RASAL2: variants seen among roughly 807,000 people sequenced by gnomAD.
The protein encoded by RASAL2 is RAS protein activator like 2, also known as ras GTPase-activating protein nGAP.
Under a neutral mutation model 128.9 loss-of-function variants are expected in RASAL2, and 58 were observed. The ratio of observed to expected loss-of-function variants is 0.45; its 90% CI spans 0.36 to 0.56. The LOEUF (loss-of-function observed/expected upper bound fraction) is 0.56. RASAL2 is among the 20% of genes least tolerant of loss of function. The probability of loss-of-function intolerance (pLI) is 0.00; values close to 1 mark genes in which losing one functional copy is unlikely to be tolerated. For missense variants in RASAL2, 1,360 were observed against 1,601.6 expected, an observed-to-expected ratio of 0.85 and a Z score of 2.57; for synonymous variants, 561 against 580.8, an observed-to-expected ratio of 0.97 and a Z score of 0.49.
intron 1 of RASAL2, among the ~76,000 whole-genome samples, chr1:178,113,562 GTGTA>G (rs1236980457): frequency 9.1e-4 from 116 of 127,004 alleles, no homozygotes; most frequent in African/African-American, 3.1e-3. Flanking sequence ...GTGTGTGTGT[GTGTA>G]GAGGCAGAGT....
At chr1:178,128,857 G>A (rs1305429500) in intron 1 of RASAL2, among the ~76,000 whole-genome samples, 4 of 152,026 alleles carry the variant, frequency 2.6e-5, no homozygotes, top group African/African-American at 9.7e-5. Context: ...ACGTGAATTA[G>A]TACTTCATTC....
At chr1:178,174,329 G>A (rs1229965738) in intron 1 of RASAL2, among the ~76,000 whole-genome samples, 1 of 151,966 alleles carries the variant, frequency 6.6e-6, no homozygotes, top group African/African-American at 2.4e-5. Flanking sequence ...GTTGGGTTCA[G>A]ACTTCTTTCA....
At chr1:178,426,563 G>A (rs757851110) in intron 5 of RASAL2, among the ~76,000 whole-genome samples, 1 of 150,998 alleles carries the variant, frequency 6.6e-6, no homozygotes, top group East Asian at 2.0e-4. Context: ...CCAAGAATAG[G>A]TAAATCAATT....
intron 1 of RASAL2, among the ~76,000 whole-genome samples, chr1:178,229,373 T>A (rs1322030522): frequency 3.9e-5 from 6 of 152,236 alleles, no homozygotes; most frequent in Non-Finnish European, 1.5e-5. Flanking sequence ...ATGCATTGCT[T>A]TAAATTGTCT....
chr1:178,465,990 G>A lies in RASAL2; in HGVS notation c.3458G>A (p.Arg1153His), dbSNP rs370615675. 30 of 1,559,262 alleles carry A rather than the reference G, an allele frequency of 1.9e-5. No individual in the cohort carries two copies. The highest frequency in any genetic ancestry group is 5.7e-5 in the Admixed American group (3 of 52,224). The change falls in exon 16 of 18, where the codon CGC (arginine) becomes CAC (histidine). Residue 1153 changes from arginine (R) to histidine (H), a missense_variant. Physicochemically the swap from Arg to His is conservative, Grantham distance 29. Around this residue, in one of 3 missense-constraint regions of RASAL2, gnomAD observed 741 missense variants for 868.6 expected, o/e 0.85. Coordinates refer to ENST00000367649, the MANE Select transcript of RASAL2 (RefSeq NM_170692.4). ...VSSRRLEEYE[R>H]RLLVQEQQMQ... ...AGCCGGCGACTGGAGGAATATGAAC[G>A]CCGCTTGCTGGTGCAGGAGCAGCAG...
chr1:178,391,490 G>T (rs916101978), intron 4 of RASAL2, among the ~76,000 whole-genome samples: 3 of 152,080 alleles, frequency 2.0e-5, no homozygotes, highest in Non-Finnish European at 2.9e-5. Context: ...GGCTAAATGA[G>T]TACTTGGATA....
chr1:178,342,334 T>A (rs1255888171), intron 3 of RASAL2, among the ~76,000 whole-genome samples: 5 of 152,158 alleles, frequency 3.3e-5, no homozygotes, highest in Admixed American at 3.3e-4. Context: ...AAAACCCAGA[T>A]CTCCTTATTG....
chr1:178,439,992 TCCATCC>T (rs1339177773), intron 6 of RASAL2, among the ~76,000 whole-genome samples: 135 of 150,124 alleles, frequency 9.0e-4, no homozygotes, highest in African/African-American at 3.3e-3. Context: ...CATCCATCCA[TCCATCC>T]ATCCATCCAT....
intron 1 of RASAL2, among the ~76,000 whole-genome samples, chr1:178,161,813 T>C (rs1354819494): frequency 6.6e-6 from 1 of 152,130 alleles, no homozygotes; most frequent in African/African-American, 2.4e-5. Flanking sequence ...GGCATCTCTG[T>C]GTATTTCCTT....
chr1:178,326,471 A>G (rs1669044597), intron 3 of RASAL2, among the ~76,000 whole-genome samples: 2 of 152,240 alleles, frequency 1.3e-5, no homozygotes, highest in East Asian at 1.9e-4. Context: ...ATTTATAATA[A>G]TGCTCTGCTA....
In RASAL2 at chr1:178,441,575, C is replaced by T. The variant is rs761256316; in HGVS notation, c.855C>T (p.Cys285=). 2.5e-6 allele frequency: 4 copies of T among 1,612,460 alleles called. No homozygotes were observed. Among genetic ancestry groups the T allele is most frequent in the Admixed American group, 3.3e-5 (2 of 59,886 alleles). The part of the protein sequence containing the change: ...FEVTYLSGSK[C]FSCNSASERD... ...TTACCTACTTAAGTGGAAGTAAATG[C>T]TTCAGCTGTAATTCTGCTTCTGAGA... Residue 285 remains cysteine (C), a synonymous_variant, in exon 7 of 18, where the codon TGC becomes TGT. Transcript: ENST00000367649.
chr1:178,384,770 A>G (rs991584895), intron 3 of RASAL2, among the ~76,000 whole-genome samples: 8 of 152,026 alleles, frequency 5.3e-5, no homozygotes, highest in Non-Finnish European at 1.0e-4. Context: ...AGGTGCTTAA[A>G]TAGCTTTTAT....
chr1:178,122,256 C>T (rs1477369672), intron 1 of RASAL2, among the ~76,000 whole-genome samples: 2 of 152,158 alleles, frequency 1.3e-5, no homozygotes. Flanking sequence ...TGCTTTATCA[C>T]CGATCTGTTT....
chr1:178,442,695 A>T lies in RASAL2; in HGVS notation c.948A>T (p.Glu316Asp). 1 of 1,606,582 alleles carries T rather than the reference A, an allele frequency of 6.2e-7. No homozygotes were observed. The highest frequency in any genetic ancestry group is 8.5e-7 in the Non-Finnish European group (1 of 1,175,684). ...TATAGGACAATTGCAGGCGAGCTGA[A>T]AATGTTCTTCGTTTATGGATCATTG... ...QPNKDNCRRA[E>D]NVLRLWIIEA... is the part of the protein sequence containing the mutation. The change falls in exon 8 of 18, where the codon GAA becomes GAT. Residue 316 changes from glutamate (E) to aspartate (D), a missense_variant. Coordinates refer to ENST00000367649, the MANE Select transcript of RASAL2 (RefSeq NM_170692.4).
At chr1:178,367,339 T>C (rs1431227032) in intron 3 of RASAL2, among the ~76,000 whole-genome samples, 1 of 152,126 alleles carries the variant, frequency 6.6e-6, no homozygotes, top group Non-Finnish European at 1.5e-5. Context: ...TGTCAACCTC[T>C]CAGCAAGGCT....
chr1:178,127,765 G>A (rs1659953828), intron 1 of RASAL2, among the ~76,000 whole-genome samples: 1 of 151,884 alleles, frequency 6.6e-6, no homozygotes, highest in African/African-American at 2.4e-5. Context: ...TGCTCCCATA[G>A]CCTATACATT....
At chr1:178,334,704 C>T (rs1209594361) in intron 3 of RASAL2, among the ~76,000 whole-genome samples, 2 of 152,140 alleles carry the variant, frequency 1.3e-5, no homozygotes, top group Non-Finnish European at 2.9e-5. Context: ...AATAATCTTT[C>T]TAAAAAAATA....
chr1:178,272,442 A>AC (rs1002540618), intron 1 of RASAL2, among the ~76,000 whole-genome samples: 5 of 150,962 alleles, frequency 3.3e-5, no homozygotes, highest in African/African-American at 4.9e-5. Flanking sequence ...ACATTAAAGG[A>AC]CCCCCCCTTT....
chr1:178,396,239 T>TAC (rs1438412400), intron 4 of RASAL2, among the ~76,000 whole-genome samples: 1 of 152,160 alleles, frequency 6.6e-6, no homozygotes, highest in East Asian at 1.9e-4. Context: ...GATTCCAACT[T>TAC]ACCCTAACCA....
Sources: gnomAD v4.1 joint callset for allele counts (sites outside exome capture counted in the v4.1 genomes callset) on GRCh38, gnomAD v4.1.1 for gene constraint, gnomAD v4.1.1 regional missense constraint, MANE v1.5 for transcripts, NCBI Gene and HGNC (gene_info 2026-07-23, HGNC 2026-07-21) for gene names.